The following SGCD variants were observed in gnomAD, a reference collection of about 807,000 sequenced individuals.
The protein encoded by SGCD is sarcoglycan delta.
SGCD carries 18 observed loss-of-function variants against 36.6 expected under a neutral mutation model. The observed-to-expected ratio is 0.49, with a 90% CI of 0.34 to 0.73. SGCD has a LOEUF of 0.73. Ranked by LOEUF, SGCD falls within the 30% of genes least tolerant of loss-of-function variation. SGCD has a pLI of 0.01. For synonymous variants in SGCD, 133 were observed against 130.6 expected (o/e 1.02, Z -0.12); for missense variants, 387 against 346.7 (o/e 1.12, Z -0.92).
At chr5:156,531,728 T>C (rs1757898343) in intron 4 of SGCD, among the ~76,000 whole-genome samples, 1 of 152,194 alleles carries the variant, frequency 6.6e-6, no homozygotes, top group Non-Finnish European at 1.5e-5. Context: ...CATAGTCTTA[T>C]ATGCATAGCC....
intron 3 of SGCD, among the ~76,000 whole-genome samples, chr5:156,498,573 G>A (rs1756305075): frequency 6.6e-6 from 1 of 152,134 alleles, no homozygotes; most frequent in Non-Finnish European, 1.5e-5. Context: ...TTTGAGGTTT[G>A]TCCATGTTAT....
the SGCD span, among the ~76,000 whole-genome samples, chr5:155,801,394 C>A: frequency 6.6e-6 from 1 of 152,176 alleles, no homozygotes; most frequent in Non-Finnish European, 1.5e-5. Flanking sequence ...GGAGACTCAG[C>A]ATTCTCAAAA....
chr5:156,203,057 G>A (rs1764190365), intron 3 of SGCD, among the ~76,000 whole-genome samples: 1 of 152,110 alleles, frequency 6.6e-6, no homozygotes, highest in African/African-American at 2.4e-5. Context: ...ATATCCCAAA[G>A]ATTTTAATCA....
chr5:155,970,831 T>C (rs768703800), intron 1 of SGCD, among the ~76,000 whole-genome samples: 1 of 152,190 alleles, frequency 6.6e-6, no homozygotes, highest in Non-Finnish European at 1.5e-5. Context: ...AGGGAGTTGT[T>C]TCAGTAGCAA....
rs373570818 is a variant in SGCD at position 156,584,782 on chromosome 5, ATATGTTTAGAT to A, written c.295-4445_295-4435del. Among the ~76,000 whole-genome samples, 174 of 152,290 alleles carry A rather than the reference ATATGTTTAGAT, an allele frequency of 1.1e-3. 1 individual carries two copies. The highest frequency in any genetic ancestry group is 6.8e-3 in the Middle Eastern group (2 of 294). ...GCCTCCTCCCACCACACTGCTTTTTATATGTTTAGATTATAACATCACTCATGCTTAATGGC... is the reference window on the plus strand; with the variant it reads ...GCCTCCTCCCACCACACTGCTTTTTATATAACATCACTCATGCTTAATGGC... On this transcript the variant is annotated intron_variant, in intron 4 of 8. Transcript: ENST00000337851.
At chr5:156,151,480 C>T (rs1358667213) in intron 3 of SGCD, among the ~76,000 whole-genome samples, 1 of 151,510 alleles carries the variant, frequency 6.6e-6, no homozygotes, top group Non-Finnish European at 1.5e-5. Context: ...CACTTTTATT[C>T]CTTATATTAA....
intron 3 of SGCD, among the ~76,000 whole-genome samples, chr5:156,144,024 G>C (rs995412230): frequency 5.3e-5 from 8 of 151,594 alleles, no homozygotes; most frequent in African/African-American, 1.9e-4. Context: ...TGCTGAGAAT[G>C]ATGGTTTCCA....
In SGCD at chr5:156,029,484, G is replaced by A. The variant is rs1293740629; in HGVS notation, c.-281-88394G>A. Among the ~76,000 whole-genome samples the A allele has an allele frequency of 2.6e-5, 4 of 152,282 alleles. No individual in the cohort carries two copies. The East Asian group carries it at 5.8e-4, about 22-fold the overall frequency. ...CCTTGGAGATACTGTAGTAACCAAG[G>A]TAGATGTGATCTTTATCCTCACTCT... On this transcript the variant is annotated intron_variant, in intron 1 of 9. Transcript: ENST00000517913.
At chr5:156,491,100 A>C (rs1451064799) in intron 3 of SGCD, among the ~76,000 whole-genome samples, 1 of 152,056 alleles carries the variant, frequency 6.6e-6, no homozygotes, top group Non-Finnish European at 1.5e-5. Context: ...CTACCAATAA[A>C]AAATGAAATA....
At chr5:156,084,603 C>A (rs908470628) in intron 1 of SGCD, among the ~76,000 whole-genome samples, 6 of 151,860 alleles carry the variant, frequency 4.0e-5, no homozygotes, top group African/African-American at 1.5e-4. Flanking sequence ...TGTGTGGATT[C>A]TTTGGGATTT....
intron 1 of SGCD, among the ~76,000 whole-genome samples, chr5:156,004,921 TA>T (rs1483357727): frequency 6.6e-6 from 1 of 151,968 alleles, no homozygotes; most frequent in Non-Finnish European, 1.5e-5. Flanking sequence ...TAAAAATAGA[TA>T]AAAGAAAAAC....
At chr5:156,267,154 C>T (rs1561591890) in intron 3 of SGCD, among the ~76,000 whole-genome samples, 1 of 152,144 alleles carries the variant, frequency 6.6e-6, no homozygotes, top group Non-Finnish European at 1.5e-5. Flanking sequence ...TTGTGCAGAA[C>T]TAGTTACATA....
At chr5:156,697,498 C>A (rs1159507625) in intron 7 of SGCD, among the ~76,000 whole-genome samples, 1 of 152,142 alleles carries the variant, frequency 6.6e-6, no homozygotes, top group Admixed American at 6.6e-5. Context: ...TCTAGAGAAT[C>A]CTGACTCCTC....
intron 3 of SGCD, among the ~76,000 whole-genome samples, chr5:156,249,482 G>C (rs1204055407): frequency 6.6e-6 from 1 of 152,152 alleles, no homozygotes. Context: ...AGTTGGTGTT[G>C]AGCATATTCC....
At chr5:155,774,221 A>T in the SGCD span, among the ~76,000 whole-genome samples, 4 of 152,076 alleles carry the variant, frequency 2.6e-5, no homozygotes, top group African/African-American at 9.7e-5. Flanking sequence ...TGCTAGCTTT[A>T]TTTTAGGACT....
chr5:156,497,623 T>TTC (rs375678272), intron 3 of SGCD, among the ~76,000 whole-genome samples: 39,052 of 146,196 alleles, frequency 0.27, 5,160 homozygotes, highest in Non-Finnish European at 0.32. Flanking sequence ...TGCGCGTGCT[T>TTC]TCTCTCTCTC....
At chr5:156,005,821 T>C (rs1327666814) in intron 1 of SGCD, among the ~76,000 whole-genome samples, 1 of 152,170 alleles carries the variant, frequency 6.6e-6, no homozygotes, top group Non-Finnish European at 1.5e-5. Context: ...CTCAGTCTCT[T>C]GCGTTCACAG....
chr5:155,800,737 C>G, the SGCD span, among the ~76,000 whole-genome samples: 1 of 151,866 alleles, frequency 6.6e-6, no homozygotes, highest in African/African-American at 2.4e-5. Context: ...TTTTGTTTTC[C>G]CTAGTATTGG....
At chr5:156,350,277 A>ATATATATATATATATATATATATATATC (rs1769180013) in intron 3 of SGCD, among the ~76,000 whole-genome samples, 1 of 146,020 alleles carries the variant, frequency 6.8e-6, no homozygotes, top group Admixed American at 7.0e-5. Context: ...ACACACACAC[A>ATATATATATATATATATATATATATATC]TATACCCACA....
Sources: gnomAD v4.1 joint callset for allele counts (sites outside exome capture counted in the v4.1 genomes callset) on GRCh38, gnomAD v4.1.1 for gene constraint, MANE v1.5 for transcripts, NCBI Gene and HGNC (gene_info 2026-07-23, HGNC 2026-07-21) for gene names.